Variants in PLCH1 observed in about 807,000 individuals in gnomAD.
PLCH1 encodes 1-phosphatidylinositol 4,5-bisphosphate phosphodiesterase eta-1.
A neutral mutation model predicts 126.7 loss-of-function variants in PLCH1; 60 were observed. The ratio of observed to expected loss-of-function variants is 0.47; its 90% CI spans 0.38 to 0.59. PLCH1 has a LOEUF of 0.59. Among genes scored for constraint, PLCH1 ranks in the 20% least tolerant of loss-of-function variants. PLCH1 has a pLI of 0.00. For synonymous variants in PLCH1, 719 were observed against 734.9 expected (o/e 0.98, Z 0.35); for missense variants, 1,723 against 2,040.0 (o/e 0.84, Z 2.99).
At chr3:155,484,164 T>A (rs1253223671) in intron 22 of PLCH1, among the ~76,000 whole-genome samples, 1 of 152,158 alleles carries the variant, frequency 6.6e-6, no homozygotes, top group African/African-American at 2.4e-5. Flanking sequence ...CATGACTAAT[T>A]TATATAACTG....
At chr3:155,560,289 G>A (rs534871471) in intron 8 of PLCH1, among the ~76,000 whole-genome samples, 6 of 152,260 alleles carry the variant, frequency 3.9e-5, no homozygotes, top group African/African-American at 1.2e-4. Context: ...GCATCTCTAT[G>A]CATGCCAGAC....
intron 1 of PLCH1, among the ~76,000 whole-genome samples, chr3:155,727,446 G>A (rs530984685): frequency 1.1e-4 from 17 of 148,844 alleles, no homozygotes; most frequent in Non-Finnish European, 2.4e-4. Context: ...GGAGTGCAGT[G>A]GCACAATCTC....
chr3:155,492,672 A>G, intron 18 of PLCH1, 57 bp downstream of exon 18: 7 of 1,439,574 alleles, frequency 4.9e-6, no homozygotes, highest in Non-Finnish European at 6.5e-6. Context: ...TAAAATGTAA[A>G]TGCACTAAGA....
chr3:155,477,239 C>G (rs889232596), downstream of PLCH1, among the ~76,000 whole-genome samples: 4 of 151,970 alleles, frequency 2.6e-5, no homozygotes, highest in African/African-American at 9.7e-5. Context: ...TCGCCATATA[C>G]AAAAATCAAA....
intron 1 of PLCH1, among the ~76,000 whole-genome samples, chr3:155,724,215 T>G (rs1362641461): frequency 1.3e-5 from 2 of 152,234 alleles, no homozygotes; most frequent in African/African-American, 4.8e-5. Context: ...CTCCAGTTAT[T>G]GGGAAGAATA....
chr3:155,493,835 T>C (rs1716609509), intron 17 of PLCH1, among the ~76,000 whole-genome samples: 1 of 152,216 alleles, frequency 6.6e-6, no homozygotes, highest in South Asian at 2.1e-4. Flanking sequence ...GGCTCAGACC[T>C]TAAAAAGCAG....
rs60626575 is a variant in PLCH1 at position 155,740,406 on chromosome 3, CAAA to C, written c.-41+4431_-41+4433del. Among the ~76,000 whole-genome samples, 993 of 102,170 alleles carry C rather than the reference CAAA, an allele frequency of 9.7e-3. 13 individuals are homozygous for C. Among genetic ancestry groups the C allele is most frequent in the African/African-American group, 0.031 (948 of 30,340 alleles). 67.0% of individuals were successfully genotyped at this position (102,170 alleles called of 152,430 possible). ...TGGGTGATAGAGAGAGACTCTGTCT[CAAA>C]AAAAAAAAAAAAAAAGAAGAAGAAG... On this transcript the variant is annotated intron_variant, in intron 1 of 22. Transcript: ENST00000460012.
At chr3:155,724,503 T>C (rs552042124) in intron 1 of PLCH1, among the ~76,000 whole-genome samples, 1 of 152,320 alleles carries the variant, frequency 6.6e-6, no homozygotes, top group African/African-American at 2.4e-5. Flanking sequence ...TGTCCCTCTT[T>C]GTCTTTTTTA....
chr3:155,658,634 T>G (rs1741723350), intron 2 of PLCH1: 1 of 152,168 alleles, frequency 6.6e-6, no homozygotes, highest in Non-Finnish European at 1.5e-5. Flanking sequence ...AAAACCTAAT[T>G]AAATAACTGA....
chr3:155,589,113 A>C (rs1731762021), intron 4 of PLCH1, among the ~76,000 whole-genome samples: 1 of 152,316 alleles, frequency 6.6e-6, no homozygotes, highest in Non-Finnish European at 1.5e-5. Context: ...AATGTGAAGT[A>C]ATGATCTAGG....
intron 2 of PLCH1, among the ~76,000 whole-genome samples, chr3:155,635,308 G>A (rs998700317): frequency 1.3e-5 from 2 of 152,080 alleles, no homozygotes; most frequent in Non-Finnish European, 2.9e-5. Flanking sequence ...CTCAAGCCCT[G>A]CAGCTTGCAT....
At chr3:155,571,706 T>C (rs954574123) in intron 6 of PLCH1, among the ~76,000 whole-genome samples, 1 of 152,238 alleles carries the variant, frequency 6.6e-6, no homozygotes, top group African/African-American at 2.4e-5. Context: ...GCCATCTTTC[T>C]ATTCCTAATT....
chr3:155,596,359 C>T lies in PLCH1; in HGVS notation c.99G>A (p.Val33=), dbSNP rs1732988733. 5 of 1,612,606 alleles carry T rather than the reference C, an allele frequency of 3.1e-6. No homozygotes were observed. Among genetic ancestry groups the T allele is most frequent in the Non-Finnish European group, 4.2e-6 (5 of 1,179,284 alleles). Residue 33 remains valine (V), a synonymous_variant, in exon 3 of 23, where the codon GTG becomes GTA. Transcript: ENST00000460012. ...SVFHVERCMS[V]MQSGTQMIKL... ...TGATCATCTGTGTCCCGGACTGCAT[C>T]ACACTCATGCATCTTTCAACTGCAA... is the stretch of plus-strand genomic sequence containing the variant.
chr3:155,725,814 T>C (rs1748278271), intron 1 of PLCH1, among the ~76,000 whole-genome samples: 1 of 152,228 alleles, frequency 6.6e-6, no homozygotes, highest in Non-Finnish European at 1.5e-5. Context: ...CTTTAGATTA[T>C]GATTAGTGAT....
chr3:155,601,821 T>G (rs1290346898), intron 2 of PLCH1, among the ~76,000 whole-genome samples: 2 of 152,156 alleles, frequency 1.3e-5, no homozygotes, highest in East Asian at 3.8e-4. Flanking sequence ...AACATTTCCA[T>G]TATCCCTCAT....
At chr3:155,562,646 T>C (rs1229268117) in intron 8 of PLCH1, among the ~76,000 whole-genome samples, 2 of 152,212 alleles carry the variant, frequency 1.3e-5, no homozygotes, top group Non-Finnish European at 2.9e-5. Flanking sequence ...CTGACTTACC[T>C]TGTCAATTCC....
At chr3:155,485,274 T>C in intron 22 of PLCH1, 82 bp downstream of exon 22, 1 of 814,310 alleles carries the variant, frequency 1.2e-6, no homozygotes, top group African/African-American at 1.7e-5. Context: ...GACTACAGAA[T>C]GTCAGCCACT....
chr3:155,531,656 A>G (rs1285104064), intron 10 of PLCH1, among the ~76,000 whole-genome samples: 1 of 152,200 alleles, frequency 6.6e-6, no homozygotes, highest in Non-Finnish European at 1.5e-5. Flanking sequence ...TGTTTAGTGT[A>G]GCCACCTTCA....
At chr3:155,553,984 A>C in intron 9 of PLCH1, 92 bp downstream of exon 9, 1 of 1,267,684 alleles carries the variant, frequency 7.9e-7, no homozygotes, top group South Asian at 1.4e-5. Flanking sequence ...TGTAGAGTCC[A>C]AGGAAGAGGA....
Sources: gnomAD v4.1 joint callset for allele counts (sites outside exome capture counted in the v4.1 genomes callset) on GRCh38, gnomAD v4.1.1 for gene constraint, MANE v1.5 for transcripts, NCBI Gene and HGNC (gene_info 2026-07-23, HGNC 2026-07-21) for gene names.